The following CBFA2T3 variants were observed in gnomAD, a reference collection of about 807,000 sequenced individuals.
The protein encoded by CBFA2T3 is transcriptional corepressor CBFA2T3.
CBFA2T3 carries 31 observed loss-of-function variants against 58.6 expected under a neutral mutation model. The ratio of observed to expected loss-of-function variants is 0.53; its 90% CI spans 0.40 to 0.71. The LOEUF (loss-of-function observed/expected upper bound fraction) is 0.71, where lower values mean the gene tolerates loss of function less well. CBFA2T3 is among the 30% of genes least tolerant of loss of function. CBFA2T3 has a pLI of 0.00. For missense variants in CBFA2T3, 1,076 were observed against 963.1 expected (o/e 1.12, Z -1.55); for synonymous variants, 531 against 421.9 (o/e 1.26, Z -3.17).
rs751884253 is a variant in CBFA2T3 at position 88,885,289 on chromosome 16, G to A, written c.894-20C>T. On this transcript the variant is annotated intron_variant, in intron 6 of 11. Coordinates refer to ENST00000268679, the MANE Select transcript of CBFA2T3 (RefSeq NM_005187.6). The surrounding 1 kb of genome is among the most constrained non-coding windows in gnomAD (Gnocchi z 5.3). Reference sequence around the variant, plus strand: ...TTGGTCCTAGCCCCAAGAGCAGGTGGGGCGAGGGCAGTGGACATAGGATGA... The same window carrying A: ...TTGGTCCTAGCCCCAAGAGCAGGTGAGGCGAGGGCAGTGGACATAGGATGA... The A allele has an allele frequency of 1.3e-6, 2 of 1,505,720 alleles. No individual in the cohort carries two copies. Among genetic ancestry groups the A allele is most frequent in the Admixed American group, 4.1e-5 (2 of 48,332 alleles). 93.3% of individuals were successfully genotyped at this position (1,505,720 alleles called of 1,614,324 possible).
In CBFA2T3 at chr16:88,885,189, T is replaced by C. The variant is rs1349200952; in HGVS notation, c.974A>G (p.Gln325Arg). ...SKRPCTLNPA[Q>R]RYSPSNGPPQ... Reference sequence around the variant, plus strand: ...TGGCCCGTTGCTGGGGCTGTAGCGCTGGGCAGGGTTCAGGGTGCATGGCCG... The same window carrying C: ...TGGCCCGTTGCTGGGGCTGTAGCGCCGGGCAGGGTTCAGGGTGCATGGCCG... Residue 325 changes from glutamine to arginine, a missense_variant, in exon 7 of 12, where the codon CAG becomes CGG. By Grantham distance (43) the Gln-to-Arg change is conservative. Coordinates refer to ENST00000268679, the MANE Select transcript of CBFA2T3 (RefSeq NM_005187.6). This position sits in a 1 kb window ranked among gnomAD's most constrained non-coding sequence, Gnocchi z 5.3. The C allele has an allele frequency of 9.4e-6, 15 of 1,603,658 alleles. No homozygotes were observed. The highest frequency in any genetic ancestry group is 1.7e-5 in the Admixed American group (1 of 59,602).
intron 3 of CBFA2T3, among the ~76,000 whole-genome samples, chr16:88,893,194 GGTGCCTCCCAGCCCTGAGCAAT>G (rs1269209551): frequency 7.2e-5 from 10 of 138,712 alleles, no homozygotes; most frequent in Admixed American, 2.2e-4. Flanking sequence ...CCCCACAACA[GGTGCCTCCCAGCCCTGAGCAAT>G]GTGCCTCCCC....
chr16:88,963,890 T>A (rs1482150143), intron 1 of CBFA2T3, among the ~76,000 whole-genome samples: 1 of 152,206 alleles, frequency 6.6e-6, no homozygotes, highest in Non-Finnish European at 1.5e-5. Context: ...GGGCGTGGGT[T>A]CCTCATCCCT....
intron 1 of CBFA2T3, among the ~76,000 whole-genome samples, chr16:88,976,323 C>T (rs1234829424): frequency 6.6e-6 from 1 of 152,122 alleles, no homozygotes. Context: ...TAGGACCCCC[C>T]CATCACTTCC....
chr16:88,962,448 C>A (rs1321032807), intron 1 of CBFA2T3, among the ~76,000 whole-genome samples: 1 of 152,252 alleles, frequency 6.6e-6, no homozygotes, highest in African/African-American at 2.4e-5. Flanking sequence ...GGGTCACTGT[C>A]CTGTGGGGGA....
At chr16:88,888,804 C>G (rs1184710317) in intron 5 of CBFA2T3, among the ~76,000 whole-genome samples, 1 of 151,704 alleles carries the variant, frequency 6.6e-6, no homozygotes, top group Non-Finnish European at 1.5e-5. Flanking sequence ...CCCCGGGCCC[C>G]GGGTGGGGGC....
At chr16:88,949,092 A>G (rs1357932512) in intron 1 of CBFA2T3, among the ~76,000 whole-genome samples, 2 of 152,254 alleles carry the variant, frequency 1.3e-5, no homozygotes, top group Non-Finnish European at 2.9e-5. Context: ...TAAAATGTGA[A>G]AAACTGGAAC....
rs1216789534 is a variant in CBFA2T3, at chr16:88,882,718, G to A, written c.1161C>T (p.Leu387=). ...ACTCTTCTGCCCACTCACGCTCTGTGAGCTTGTGGTCGATCACTTCTTCCT... is the reference window on the plus strand; with the variant it reads ...ACTCTTCTGCCCACTCACGCTCTGTAAGCTTGTGGTCGATCACTTCTTCCT... ...SRQEEVIDHK[L]TEREWAEEWK... is the part of the protein sequence containing the mutation. Residue 387 remains leucine (L), a synonymous_variant, in exon 8 of 12, where the codon CTC becomes CTT. Transcript: ENST00000268679. The A allele has an allele frequency of 3.1e-6, 5 of 1,591,836 alleles. No individual in the cohort carries two copies. The South Asian group carries it at 3.4e-5, about 11-fold the overall frequency.
chr16:88,925,719 C>T (rs1254235532), intron 1 of CBFA2T3, among the ~76,000 whole-genome samples: 3 of 152,168 alleles, frequency 2.0e-5, no homozygotes, highest in Admixed American at 6.5e-5. Context: ...ACTGTCTGCC[C>T]GACTGCCCGC....
intron 1 of CBFA2T3, among the ~76,000 whole-genome samples, chr16:88,911,883 C>A (rs938142774): frequency 6.6e-6 from 1 of 152,224 alleles, no homozygotes; most frequent in Admixed American, 6.5e-5. Flanking sequence ...AAGACCCCCC[C>A]TCCTGCCTCG....
chr16:88,969,985 C>CT (rs202149972), intron 1 of CBFA2T3, among the ~76,000 whole-genome samples: 3,864 of 152,356 alleles, frequency 0.025, 68 homozygotes, highest in Middle Eastern at 0.051. Flanking sequence ...TCTGGCCCCA[C>CT]TCCTCCCAGG....
chr16:88,882,709 A>C lies in CBFA2T3; in HGVS notation c.1170T>G (p.Arg390=), dbSNP rs1459363207. The C allele has an allele frequency of 6.3e-7, 1 of 1,590,824 alleles. No homozygotes were observed. Among genetic ancestry groups the C allele is most frequent in the East Asian group, 2.3e-5 (1 of 44,062 alleles). Residue 390 remains arginine, a synonymous_variant, in exon 8 of 12, where the codon CGT becomes CGG. Transcript: ENST00000268679. Reference sequence around the variant, plus strand: ...GGTGCTTCCACTCTTCTGCCCACTCACGCTCTGTGAGCTTGTGGTCGATCA... The same window carrying C: ...GGTGCTTCCACTCTTCTGCCCACTCCCGCTCTGTGAGCTTGTGGTCGATCA... ...EEVIDHKLTE[R]EWAEEWKHLN...
intron 8 of CBFA2T3, among the ~76,000 whole-genome samples, chr16:88,882,314 G>A (rs1039999437): frequency 1.3e-5 from 2 of 152,320 alleles, no homozygotes; most frequent in South Asian, 2.1e-4. Context: ...GGACATGGCT[G>A]TGTGGGTGTA....
intron 7 of CBFA2T3, chr16:88,883,988 T>G (rs1170152907): frequency 6.6e-6 from 1 of 152,178 alleles, no homozygotes; most frequent in Non-Finnish European, 1.5e-5. Context: ...TCCCCCAAAT[T>G]GCAGAGGAGG....
chr16:88,945,790 C>T (rs550730609), intron 1 of CBFA2T3, among the ~76,000 whole-genome samples: 24 of 152,326 alleles, frequency 1.6e-4, no homozygotes, highest in Admixed American at 3.9e-4. Flanking sequence ...ACTTTTACCA[C>T]GCCACCCAGC....
chr16:88,887,544 G>A (rs1387321994), intron 5 of CBFA2T3, among the ~76,000 whole-genome samples: 2 of 152,142 alleles, frequency 1.3e-5, no homozygotes, highest in East Asian at 1.9e-4. Flanking sequence ...TGTGGGGCAG[G>A]CTCAGGAAAG....
In CBFA2T3 at chr16:88,949,559, C is replaced by CA. The variant is rs1258443834; in HGVS notation, c.151+27097dup. ...CGGGTGACAGAGCGAGACTCTGTCT[C>CA]AAAAAAAAAAAAAAGAAAAAGAAAG... On this transcript the variant is annotated intron_variant, in intron 1 of 11. Coordinates refer to ENST00000268679, the MANE Select transcript of CBFA2T3 (RefSeq NM_005187.6). Among the ~76,000 whole-genome samples the CA allele has an allele frequency of 7.7e-3, 653 of 85,244 alleles. 2 individuals are homozygous for CA. Among genetic ancestry groups the CA allele is most frequent in the African/African-American group, 0.015 (370 of 24,226 alleles). 55.9% of individuals were successfully genotyped at this position (85,244 alleles called of 152,430 possible). A position where few individuals can be genotyped will look rare whatever the true frequency, so the allele number is the denominator to read the frequency against.
chr16:88,957,029 A>G (rs57481825), intron 1 of CBFA2T3, among the ~76,000 whole-genome samples: 4,961 of 148,462 alleles, frequency 0.033, 280 homozygotes, highest in African/African-American at 0.12. Context: ...TCACCCGGAG[A>G]CTGCGGCAGC....
At chr16:88,913,285 A>C (rs2142707308) in intron 1 of CBFA2T3, among the ~76,000 whole-genome samples, 1 of 152,370 alleles carries the variant, frequency 6.6e-6, no homozygotes, top group Non-Finnish European at 1.5e-5. Context: ...GTGGAGCTGG[A>C]CTGACCGTGG....
Sources: allele counts gnomAD v4.1 joint callset (sites outside exome capture counted in the v4.1 genomes callset), GRCh38; gene constraint gnomAD v4.1.1; non-coding constraint Gnocchi (gnomAD v3.1); transcripts MANE v1.5; gene names NCBI Gene and HGNC (gene_info 2026-07-23, HGNC 2026-07-21).